Variants in THOP1 observed in about 807,000 individuals in gnomAD.
THOP1 encodes the protein thimet oligopeptidase 1, also known as thimet oligopeptidase.
In THOP1, 49 loss-of-function variants were observed where a neutral mutation model predicts 71.8. That is an observed-to-expected ratio of 0.68 (90% CI 0.54 to 0.87). THOP1 has a LOEUF of 0.87. Among genes scored for constraint, THOP1 ranks in the 40% least tolerant of loss-of-function variants. THOP1 has a pLI of 0.00. For synonymous variants in THOP1, 426 were observed against 421.5 expected, an observed-to-expected ratio of 1.01 and a Z score of -0.13; for missense variants, 843 against 975.6, an observed-to-expected ratio of 0.86 and a Z score of 1.81.
intron 4 of THOP1, among the ~76,000 whole-genome samples, chr19:2,798,087 G>T (rs1269988096): frequency 2.0e-5 from 3 of 152,080 alleles, no homozygotes; most frequent in African/African-American, 4.8e-5. Flanking sequence ...GGAGTGCAAC[G>T]GTGTGATCTC....
At chr19:2,785,732 C>T in intron 1 of THOP1, 54 bp downstream of exon 1, 1 of 1,339,578 alleles carries the variant, frequency 7.5e-7, no homozygotes, top group Non-Finnish European at 9.6e-7. Flanking sequence ...CTCGCTCCTC[C>T]CGGGGTCGCG....
chr19:2,810,845 C>T (rs1049389122), intron 11 of THOP1, 77 bp downstream of exon 11: 1 of 1,517,566 alleles, frequency 6.6e-7, no homozygotes, highest in African/African-American at 1.4e-5. Flanking sequence ...GGGAGTTGGT[C>T]CCCATGCTTC....
chr19:2,787,536 C>T (rs1430244850), intron 1 of THOP1, among the ~76,000 whole-genome samples: 8 of 152,192 alleles, frequency 5.3e-5, no homozygotes, highest in East Asian at 1.9e-4. Flanking sequence ...CTTTACCCCA[C>T]GGTTTAATGT....
chr19:2,812,925 C>A (rs771190234), intron 12 of THOP1, among the ~76,000 whole-genome samples, 190 bp from the exon 13 acceptor site: 3 of 152,180 alleles, frequency 2.0e-5, no homozygotes, highest in Admixed American at 6.5e-5. Context: ...TGCACACCCC[C>A]GCTCTGAGAT....
rs776378599 is a variant in THOP1 at position 2,813,177 on chromosome 19, G to A, written c.1971G>A (p.Met657Ile). 3 of 1,612,384 alleles carry A rather than the reference G, an allele frequency of 1.9e-6. No homozygotes were observed. Among genetic ancestry groups the A allele is most frequent in the Non-Finnish European group, 2.5e-6 (3 of 1,179,742 alleles). Reference protein sequence around the residue: ...RPGGSEDASAMLRRFLGRDPK... With the variant: ...RPGGSEDASAILRRFLGRDPK... ...GCGGTTCCGAGGATGCCAGCGCCAT[G>A]CTGAGGCGCTTCCTGGGCCGTGACC... Residue 657 changes from methionine to isoleucine, a missense_variant, in exon 13 of 13, where the codon ATG (methionine) becomes ATA (isoleucine). Met to Ile is a conservative substitution (Grantham distance 10). Transcript: ENST00000307741.
intron 9 of THOP1, among the ~76,000 whole-genome samples, chr19:2,809,150 C>T (rs1247252243): frequency 2.0e-5 from 3 of 152,240 alleles, no homozygotes; most frequent in South Asian, 4.1e-4. Flanking sequence ...GTCACGTGTT[C>T]GCCAACTGAT....
chr19:2,809,145 G>A (rs543233434), intron 9 of THOP1, among the ~76,000 whole-genome samples: 2 of 152,332 alleles, frequency 1.3e-5, no homozygotes, highest in Admixed American at 1.3e-4. Flanking sequence ...CCCTGGTCAC[G>A]TGTTCGCCAA....
At chr19:2,810,530 G>T in intron 10 of THOP1, 40 bp downstream of exon 10, 1 of 1,532,192 alleles carries the variant, frequency 6.5e-7, no homozygotes, top group African/African-American at 1.4e-5. Flanking sequence ...TAACCTCGGG[G>T]GGCGGCACAC....
intron 1 of THOP1, among the ~76,000 whole-genome samples, chr19:2,789,552 T>TC (rs1027206606): frequency 6.6e-6 from 1 of 152,000 alleles, no homozygotes; most frequent in Non-Finnish European, 1.5e-5. Context: ...GCCTGCTTGT[T>TC]CCCCCCACTG....
chr19:2,792,442 G>A (rs1383299735), intron 2 of THOP1, among the ~76,000 whole-genome samples: 1 of 152,040 alleles, frequency 6.6e-6, no homozygotes, highest in African/African-American at 2.4e-5. Flanking sequence ...GGGGATTACA[G>A]GCATGAGCCA....
chr19:2,812,242 G>T, intron 12 of THOP1: 1 of 1,533,974 alleles, frequency 6.5e-7, no homozygotes, highest in South Asian at 1.2e-5. Flanking sequence ...GTGAGCCTGT[G>T]CCTCCCGCTG....
chr19:2,794,800 C>T lies in THOP1; in HGVS notation c.266C>T (p.Ser89Phe), dbSNP rs200973060. The change falls in exon 3 of 13, where the codon TCC (serine) becomes TTC (phenylalanine). Residue 89 changes from serine (S) to phenylalanine (F), a missense_variant. By Grantham distance (155) the Ser-to-Phe change is radical (BLOSUM62 -2). Coordinates refer to ENST00000307741, the MANE Select transcript of THOP1 (RefSeq NM_003249.5). Reference sequence around the variant, plus strand: ...ATCCTTGACTTCCCCCAGCATGTTTCCCCCTCCAAGGACATCCGGACAGCC... The same window carrying T: ...ATCCTTGACTTCCCCCAGCATGTTTTCCCCTCCAAGGACATCCGGACAGCC... ...RNILDFPQHV[S>F]PSKDIRTAST... is the part of the protein sequence containing the mutation. 6.2e-7 allele frequency: 1 copy of T among 1,613,892 alleles called. No homozygotes were observed. The highest frequency in any genetic ancestry group is 1.3e-5 in the African/African-American group (1 of 75,008).
In THOP1 at chr19:2,807,482, G is replaced by A. The variant is rs371759791; in HGVS notation, c.927G>A (p.Glu309=). ...AQKLKPLGEQ[E]RAVILELKRA... ...AGCTGAAGCCCCTGGGGGAGCAGGAGCGTGCGGTGATTCTGGAGCTGAAGC... is the reference window on the plus strand; with the variant it reads ...AGCTGAAGCCCCTGGGGGAGCAGGAACGTGCGGTGATTCTGGAGCTGAAGC... Residue 309 remains glutamate (E), a synonymous_variant, in exon 8 of 13, where the codon GAG becomes GAA. Transcript: ENST00000307741. 7 of 1,609,024 alleles carry A rather than the reference G, an allele frequency of 4.4e-6. No individual in the cohort carries two copies. Among genetic ancestry groups the A allele is most frequent in the Non-Finnish European group, 4.2e-6 (5 of 1,178,368 alleles).
At position 2,785,691 on chromosome 19, in the gene THOP1, C is replaced by G. The variant is rs1179113160; in HGVS notation, c.16+13C>G. 1 of 1,454,596 alleles carries G rather than the reference C, an allele frequency of 6.9e-7. No homozygotes were observed. Among genetic ancestry groups the G allele is most frequent in the Admixed American group, 2.5e-5 (1 of 40,622 alleles). The allele number at this position is 1,454,596 out of a possible 1,614,324, so 90.1% of individuals were successfully genotyped here. A position where few individuals can be genotyped will look rare whatever the true frequency, so the allele number is the denominator to read the frequency against. On this transcript the variant is annotated intron_variant, in intron 1 of 12. Coordinates refer to ENST00000307741, the MANE Select transcript of THOP1 (RefSeq NM_003249.5). ...AAGCCCCCCGCAGGTACCGACTACC[C>G]CGCTCGCCGGACCCGGGCGTCCCCT...
rs146390273 is a variant in THOP1, at chr19:2,813,855, C to CTCT, written c.*579_*580insTCT. On this transcript the variant is annotated 3_prime_UTR_variant, in exon 13 of 13. Coordinates refer to ENST00000307741, the MANE Select transcript of THOP1 (RefSeq NM_003249.5). ...TGTCATTCTGGAACATTCCCCCCGC[C>CTCT]CTGCTCAGCTCTGGCCATCAAGGAC... 1 of 152,686 alleles carries CTCT rather than the reference C, an allele frequency of 6.5e-6. No homozygotes were observed. Among genetic ancestry groups the CTCT allele is most frequent in the African/African-American group, 2.4e-5 (1 of 41,342 alleles). The allele number at this position is 152,686 out of a possible 1,614,324, so 9.5% of individuals were successfully genotyped here.
Position 2,804,923 on chromosome 19 carries a change from G to T in THOP1, c.590-93G>T. ...CTGAGGGCCCCCTTGTAGCTTTCCA[G>T]GCAGAGGGGAAGCCCACCCCTTCCC... is the stretch of plus-strand genomic sequence containing the variant. On this transcript the variant is annotated intron_variant, in intron 5 of 12. Coordinates refer to ENST00000307741, the MANE Select transcript of THOP1 (RefSeq NM_003249.5). This position sits in a 1 kb window ranked among gnomAD's most constrained non-coding sequence, Gnocchi z 4.7. 1 of 1,340,990 alleles carries T rather than the reference G, an allele frequency of 7.5e-7. No homozygotes were observed. The highest frequency in any genetic ancestry group is 1.5e-5 in the African/African-American group (1 of 67,354). 83.1% of individuals were successfully genotyped at this position (1,340,990 alleles called of 1,614,324 possible). A position where few individuals can be genotyped will look rare whatever the true frequency, so the allele number is the denominator to read the frequency against.
intron 12 of THOP1, 38 bp from the exon 13 acceptor site, chr19:2,813,077 G>C (rs777136346): frequency 1.3e-6 from 2 of 1,573,194 alleles, no homozygotes; most frequent in Non-Finnish European, 8.6e-7. Flanking sequence ...TTCCTCCCTG[G>C]GTCCCCACCC....
chr19:2,806,984 A>G lies in THOP1; in HGVS notation c.818A>G (p.His273Arg), dbSNP rs778411924. The stretch of plus-strand genomic sequence containing the variant: ...CAGAAGTCCCGCCTGCTGGGGTTCC[A>G]CACGCACGCCGACTATGTCCTGGAG... ...RAQKSRLLGFHTHADYVLEMN... is the reference protein window; with the variant it reads ...RAQKSRLLGFRTHADYVLEMN... Residue 273 changes from histidine (H) to arginine (R), a missense_variant, in exon 7 of 13, where the codon CAC becomes CGC. By Grantham distance (29) the His-to-Arg change is conservative. Transcript: ENST00000307741. The G allele has an allele frequency of 6.2e-7, 1 of 1,613,088 alleles. No individual in the cohort carries two copies. The highest frequency in any genetic ancestry group is 1.1e-5 in the South Asian group (1 of 91,070).
chr19:2,792,982 C>T (rs1231188468), intron 2 of THOP1, among the ~76,000 whole-genome samples: 1 of 152,132 alleles, frequency 6.6e-6, no homozygotes, highest in African/African-American at 2.4e-5. Context: ...TCGAGACCAG[C>T]CTGACCAACA....
Sources: gnomAD v4.1 joint callset for allele counts (sites outside exome capture counted in the v4.1 genomes callset) on GRCh38, gnomAD v4.1.1 for gene constraint, Gnocchi (gnomAD v3.1) non-coding constraint, MANE v1.5 for transcripts, NCBI Gene and HGNC (gene_info 2026-07-23, HGNC 2026-07-21) for gene names.